Variants in PDE8B observed in about 807,000 individuals in gnomAD.
PDE8B encodes high affinity cAMP-specific and IBMX-insensitive 3',5'-cyclic phosphodiesterase 8B.
Under a neutral mutation model 101.3 loss-of-function variants are expected in PDE8B, and 26 were observed. That is an observed-to-expected ratio of 0.26 (90% CI 0.19 to 0.36). PDE8B has a LOEUF of 0.36. Among genes scored for constraint, PDE8B ranks in the 10% least tolerant of loss-of-function variants. The pLI is 1.00. For synonymous variants in PDE8B, 424 were observed against 429.3 expected (o/e 0.99, Z 0.15); for missense variants, 810 against 1,163.1 (o/e 0.70, Z 4.42).
intron 1 of PDE8B, among the ~76,000 whole-genome samples, chr5:77,223,873 C>T (rs750711556): frequency 1.8e-4 from 27 of 152,206 alleles, no homozygotes; most frequent in Non-Finnish European, 3.4e-4. Flanking sequence ...CGCTGATCAG[C>T]ATGAGTGTGG....
At chr5:77,204,976 T>G in the PDE8B span, among the ~76,000 whole-genome samples, 2 of 152,214 alleles carry the variant, frequency 1.3e-5, no homozygotes, top group South Asian at 4.1e-4. Context: ...TGTAAGACTT[T>G]AGGAAATGAA....
the PDE8B span, among the ~76,000 whole-genome samples, chr5:77,138,090 T>C: frequency 6.6e-6 from 1 of 152,208 alleles, no homozygotes; most frequent in African/African-American, 2.4e-5. Context: ...ATGATAATAG[T>C]GACACAATTT....
intron 20 of PDE8B, among the ~76,000 whole-genome samples, chr5:77,422,247 C>T (rs1432302307): frequency 1.3e-5 from 2 of 152,192 alleles, no homozygotes; most frequent in Non-Finnish European, 2.9e-5. Flanking sequence ...CTTCAGTTTG[C>T]TGGATCCAGA....
chr5:77,096,176 G>A, the PDE8B span, among the ~76,000 whole-genome samples: 1 of 152,090 alleles, frequency 6.6e-6, no homozygotes, highest in Non-Finnish European at 1.5e-5. Flanking sequence ...TTTTATTAGA[G>A]ACAGGGTTTT....
At chr5:77,423,947 T>C (rs1029593552) in intron 20 of PDE8B, among the ~76,000 whole-genome samples, 3 of 152,104 alleles carry the variant, frequency 2.0e-5, no homozygotes, top group Non-Finnish European at 4.4e-5. Context: ...TGGACATTTT[T>C]TTTTTTATGT....
intron 10 of PDE8B, among the ~76,000 whole-genome samples, chr5:77,398,681 G>A (rs563822825): frequency 5.3e-5 from 8 of 152,316 alleles, no homozygotes; most frequent in South Asian, 2.1e-4. Context: ...TCATCTTACC[G>A]CACTGGCTGC....
At chr5:77,260,442 AC>A (rs1388665418) in intron 1 of PDE8B, among the ~76,000 whole-genome samples, 1 of 152,224 alleles carries the variant, frequency 6.6e-6, no homozygotes, top group Non-Finnish European at 1.5e-5. Context: ...ACTTCTGAAA[AC>A]TTTTATGTCA....
Position 77,211,355 on chromosome 5 carries a change from C to T in PDE8B, c.339+91C>T. On this transcript the variant is annotated intron_variant, in intron 1 of 21. Coordinates refer to ENST00000264917, the MANE Select transcript of PDE8B (RefSeq NM_003719.5). This position sits in a 1 kb window ranked among gnomAD's most constrained non-coding sequence, Gnocchi z 4.1. ...AGGGGGCTCCGGCGGAGTTGGGTGA[C>T]CGTGAGGCGGTTGGTTTGGAGAGGT... is the stretch of plus-strand genomic sequence containing the variant. 8.0e-7 allele frequency: 1 copy of T among 1,256,356 alleles called. No individual in the cohort carries two copies. Among genetic ancestry groups the T allele is most frequent in the Non-Finnish European group, 1.1e-6 (1 of 921,856 alleles). 77.8% of individuals were successfully genotyped at this position (1,256,356 alleles called of 1,614,324 possible). A position where few individuals can be genotyped will look rare whatever the true frequency, so the allele number is the denominator to read the frequency against.
intron 1 of PDE8B, among the ~76,000 whole-genome samples, chr5:77,310,956 A>G (rs1772457322): frequency 1.3e-5 from 2 of 152,206 alleles, no homozygotes; most frequent in Admixed American, 6.5e-5. Context: ...AGTATAATGT[A>G]AAGAAAGTTT....
At chr5:77,198,932 G>T in the PDE8B span, among the ~76,000 whole-genome samples, 62,352 of 151,772 alleles carry the variant, frequency 0.41, 13,513 homozygotes, top group African/African-American at 0.53. Context: ...GGTTTTTGTT[G>T]CAGAATTGTC....
chr5:77,100,598 G>T, the PDE8B span, among the ~76,000 whole-genome samples: 1 of 152,190 alleles, frequency 6.6e-6, no homozygotes, highest in Non-Finnish European at 1.5e-5. Context: ...AAAGACCTGG[G>T]AGGCAACCCT....
rs760699743 is a variant in PDE8B, at chr5:77,211,490, G to A, written c.339+226G>A. On this transcript the variant is annotated intron_variant, in intron 1 of 21. Transcript: ENST00000264917. This position sits in a 1 kb window ranked among gnomAD's most constrained non-coding sequence, Gnocchi z 4.1. ...CCTGGAAGCGTCCTTAGCTGGTCCT[G>A]GGGGACTGGGCGGGGAAGGGAGCGC... is the stretch of plus-strand genomic sequence containing the variant. Among the ~76,000 whole-genome samples the A allele has an allele frequency of 6.6e-6, 1 of 152,226 alleles. No individual in the cohort carries two copies. The highest frequency in any genetic ancestry group is 1.5e-5 in the Non-Finnish European group (1 of 68,036).
intron 10 of PDE8B, among the ~76,000 whole-genome samples, chr5:77,386,865 CTTTTTTTTTTTTTTTTTTT>C (rs59393259): frequency 3.9e-5 from 2 of 51,060 alleles, no homozygotes; most frequent in Admixed American, 2.9e-4. Context: ...GATGTAGTTT[CTTTTTTTTTTTTTTTTTTT>C]TTTTTTTTTT....
intron 1 of PDE8B, among the ~76,000 whole-genome samples, chr5:77,240,441 C>T (rs1257402775): frequency 2.6e-5 from 4 of 152,224 alleles, no homozygotes. Flanking sequence ...GCGTGAGCCA[C>T]CGCGCCCGGC....
chr5:77,184,499 G>A, the PDE8B span, among the ~76,000 whole-genome samples: 1 of 152,180 alleles, frequency 6.6e-6, no homozygotes, highest in African/African-American at 2.4e-5. Flanking sequence ...TCACACAAAT[G>A]AAACTGTCCA....
intron 13 of PDE8B, among the ~76,000 whole-genome samples, chr5:77,408,281 C>G (rs1434511910): frequency 6.6e-6 from 1 of 152,166 alleles, no homozygotes. Flanking sequence ...TTGGTGTGAG[C>G]ATGAAGTGCT....
chr5:77,276,409 C>G (rs1305883393), intron 1 of PDE8B, among the ~76,000 whole-genome samples: 1 of 152,224 alleles, frequency 6.6e-6, no homozygotes, highest in African/African-American at 2.4e-5. Flanking sequence ...CCAATCACTT[C>G]CTATTATCTG....
At chr5:77,299,938 A>G (rs928482841) in intron 1 of PDE8B, among the ~76,000 whole-genome samples, 1 of 152,230 alleles carries the variant, frequency 6.6e-6, no homozygotes, top group African/African-American at 2.4e-5. Context: ...CTTGTGAGGC[A>G]GTCTTCTAAG....
chr5:77,279,121 A>G lies in PDE8B; in HGVS notation c.340-32873A>G, dbSNP rs1764440997. On this transcript the variant is annotated intron_variant, in intron 1 of 21. Transcript: ENST00000264917. The stretch of plus-strand genomic sequence containing the variant: ...ATACTGGTGATTATGTGGTGTTCTA[A>G]TGAGTGTGTATAGATAATAAAACTA... 2.0e-5 allele frequency among the ~76,000 whole-genome samples: 3 copies of G among 152,220 alleles called. No individual in the cohort carries two copies. In the South Asian group the frequency reaches 6.2e-4, roughly 32 times the overall value.
Sources: allele counts gnomAD v4.1 joint callset (sites outside exome capture counted in the v4.1 genomes callset), GRCh38; gene constraint gnomAD v4.1.1; non-coding constraint Gnocchi (gnomAD v3.1); transcripts MANE v1.5; gene names NCBI Gene and HGNC (gene_info 2026-07-23, HGNC 2026-07-21).